TNRC6B: variants seen among roughly 807,000 people sequenced by gnomAD.
TNRC6B encodes trinucleotide repeat-containing gene 6B protein.
TNRC6B carries 52 observed loss-of-function variants against 203.6 expected under a neutral mutation model. The ratio of observed to expected loss-of-function variants is 0.26; its 90% confidence interval spans 0.20 to 0.32. TNRC6B has a LOEUF of 0.32. Among genes scored for constraint, TNRC6B ranks in the 10% least tolerant of loss-of-function variants. TNRC6B has a pLI of 1.00. For synonymous variants in TNRC6B, 838 were observed against 845.7 expected, an observed-to-expected ratio of 0.99 and a Z score of 0.16; for missense variants, 1,923 against 2,286.2, an observed-to-expected ratio of 0.84 and a Z score of 3.24.
At chr22:40,260,651 A>AT (rs1309751566) in intron 3 of TNRC6B, among the ~76,000 whole-genome samples, 1 of 152,154 alleles carries the variant, frequency 6.6e-6, no homozygotes, top group Non-Finnish European at 1.5e-5. Flanking sequence ...AAGAATGTGG[A>AT]TGAAGGGAAG....
chr22:40,206,677 C>T (rs1463750493), intron 1 of TNRC6B, among the ~76,000 whole-genome samples: 5 of 152,044 alleles, frequency 3.3e-5, no homozygotes, highest in Admixed American at 1.3e-4. Context: ...GCTGTAGTAA[C>T]GAAGAGCAGT....
intron 1 of TNRC6B, among the ~76,000 whole-genome samples, chr22:40,055,647 T>C (rs1203702057): frequency 6.6e-6 from 1 of 152,208 alleles, no homozygotes; most frequent in Non-Finnish European, 1.5e-5. Context: ...CACTTGTCAC[T>C]TCTAGTTAAT....
intron 1 of TNRC6B, among the ~76,000 whole-genome samples, chr22:40,089,528 C>T (rs2068132260): frequency 6.6e-6 from 1 of 152,128 alleles, no homozygotes; most frequent in Admixed American, 6.5e-5. Flanking sequence ...CCACTGCGCC[C>T]AGCGTTAAGA....
chr22:40,262,981 A>G (rs1479689298), intron 4 of TNRC6B, among the ~76,000 whole-genome samples: 1 of 151,680 alleles, frequency 6.6e-6, no homozygotes, highest in Non-Finnish European at 1.5e-5. Flanking sequence ...CGGAGCTTGC[A>G]GTGAGCCGAG....
chr22:40,096,251 A>G (rs1289172751), intron 1 of TNRC6B, among the ~76,000 whole-genome samples: 2 of 152,186 alleles, frequency 1.3e-5, no homozygotes, highest in Non-Finnish European at 2.9e-5. Context: ...GTCTGTGAGG[A>G]CAATCATTGG....
intron 17 of TNRC6B, 138 bp from the exon 18 acceptor site, chr22:40,312,367 A>C: frequency 1.0e-6 from 1 of 959,146 alleles, no homozygotes; most frequent in East Asian, 2.8e-5. Flanking sequence ...TTTTTTCCTT[A>C]ATTTTGTGAT....
intron 1 of TNRC6B, among the ~76,000 whole-genome samples, chr22:40,202,953 C>G (rs1200508870): frequency 1.3e-5 from 2 of 152,100 alleles, no homozygotes; most frequent in African/African-American, 4.8e-5. Context: ...AATGTTTGAT[C>G]TAACACACTG....
At chr22:40,322,241 A>G (rs1249393146) in intron 22 of TNRC6B, among the ~76,000 whole-genome samples, 1 of 152,174 alleles carries the variant, frequency 6.6e-6, no homozygotes, top group African/African-American at 2.4e-5. Flanking sequence ...TCACAGCCAA[A>G]TCGAGAGGAA....
intron 15 of TNRC6B, among the ~76,000 whole-genome samples, chr22:40,302,372 C>A (rs546112581): frequency 6.6e-6 from 1 of 152,322 alleles, no homozygotes; most frequent in East Asian, 1.9e-4. Flanking sequence ...CGGTGACTCA[C>A]ACCTGTAATC....
At chr22:40,184,135 G>A (rs868050630) in intron 1 of TNRC6B, among the ~76,000 whole-genome samples, 4 of 152,166 alleles carry the variant, frequency 2.6e-5, no homozygotes, top group Non-Finnish European at 4.4e-5. Flanking sequence ...CTTAGAAAAT[G>A]ATCTGTTTAC....
rs1377579702 is a variant in TNRC6B at position 40,335,313 on chromosome 22, ATATTT to A, written c.*12079_*12083del. ...CATGGCAGGCTGGGCCCCCTTTTCT[ATATTT>A]TATTTTCCTTTTTAGTATAGTGGTA... On this transcript the variant is annotated 3_prime_UTR_variant, in exon 23 of 23. Transcript: ENST00000454349. 1.3e-5 allele frequency: 2 copies of A among 151,328 alleles called. No individual in the cohort carries two copies. Among genetic ancestry groups the A allele is most frequent in the African/African-American group, 4.9e-5 (2 of 41,180 alleles). 9.4% of individuals were successfully genotyped at this position (151,328 alleles called of 1,614,324 possible). A position where few individuals can be genotyped will look rare whatever the true frequency, so the allele number is the denominator to read the frequency against.
At chr22:40,184,403 T>C (rs2069175305) in intron 1 of TNRC6B, among the ~76,000 whole-genome samples, 1 of 152,182 alleles carries the variant, frequency 6.6e-6, no homozygotes, top group Non-Finnish European at 1.5e-5. Context: ...GAGAGTACTT[T>C]GACATGGTTG....
intron 1 of TNRC6B, among the ~76,000 whole-genome samples, chr22:40,212,934 G>A (rs1265702518): frequency 6.6e-6 from 1 of 152,210 alleles, no homozygotes; most frequent in African/African-American, 2.4e-5. Context: ...ACAGGCGTGA[G>A]CCACCGCCGC....
intron 1 of TNRC6B, among the ~76,000 whole-genome samples, chr22:40,197,432 GCC>G (rs1291986155): frequency 2.0e-5 from 3 of 151,762 alleles, no homozygotes; most frequent in Admixed American, 2.0e-4. Flanking sequence ...GATTACAGGT[GCC>G]TGCTACCACA....
intron 3 of TNRC6B, among the ~76,000 whole-genome samples, chr22:40,135,240 A>G (rs1310128837): frequency 6.6e-6 from 1 of 152,208 alleles, no homozygotes; most frequent in Admixed American, 6.5e-5. Context: ...AGTCTGTTGA[A>G]TTAAAGCAAG....
intron 1 of TNRC6B, among the ~76,000 whole-genome samples, chr22:40,201,463 T>C (rs1028805561): frequency 6.6e-5 from 10 of 151,486 alleles, no homozygotes; most frequent in Middle Eastern, 3.2e-3. Flanking sequence ...TGAGACAGGG[T>C]CTCACTCTGT....
At chr22:40,286,316 C>CA (rs1349533861) in intron 12 of TNRC6B, among the ~76,000 whole-genome samples, 6 of 151,826 alleles carry the variant, frequency 4.0e-5, no homozygotes, top group Admixed American at 1.3e-4. Context: ...CTGTTTCTGC[C>CA]AAAAAACACA....
At chr22:40,316,114 G>C (rs1429097120) in intron 21 of TNRC6B, 102 bp downstream of exon 21, 1 of 1,041,128 alleles carries the variant, frequency 9.6e-7, no homozygotes, top group Non-Finnish European at 1.5e-6. Flanking sequence ...AAGCACTTTG[G>C]GAGGCCGAGG....
At position 40,315,306 on chromosome 22, in the gene TNRC6B, A is replaced by G. The variant is rs750454253; in HGVS notation, c.4702A>G (p.Thr1568Ala). The G allele has an allele frequency of 6.2e-7, 1 of 1,614,044 alleles. No homozygotes were observed. The highest frequency in any genetic ancestry group is 2.2e-5 in the East Asian group (1 of 44,894). Residue 1568 changes from threonine to alanine, a missense_variant, in exon 20 of 23, where the codon ACA becomes GCA. By Grantham distance (58) the Thr-to-Ala change is moderately conservative. Coordinates refer to ENST00000454349, the MANE Select transcript of TNRC6B (RefSeq NM_001162501.2). ...TSAKFPDYKS[T>A]WSPDPIGHNP... ...AGCAAAGTTCCCTGATTACAAATCA[A>G]CATGGTCCCCAGATCCCATAGGACA...
Sources: gnomAD v4.1 joint callset for allele counts (sites outside exome capture counted in the v4.1 genomes callset) on GRCh38, gnomAD v4.1.1 for gene constraint, MANE v1.5 for transcripts, NCBI Gene and HGNC (gene_info 2026-07-23, HGNC 2026-07-21) for gene names.